TMEM232: variants seen among roughly 807,000 people sequenced by gnomAD.
TMEM232 encodes transmembrane protein 232.
In TMEM232, 80 loss-of-function variants were observed where a neutral mutation model predicts 78.8. The observed-to-expected ratio is 1.01, with a 90% CI of 0.85 to 1.22. The LOEUF is 1.22. Ranked by LOEUF, TMEM232 falls within the 50% of genes most tolerant of loss-of-function variation. The pLI is 0.00. For missense variants in TMEM232, 881 were observed against 742.2 expected, an observed-to-expected ratio of 1.19 and a Z score of -2.17; for synonymous variants, 297 against 254.3, an observed-to-expected ratio of 1.17 and a Z score of -1.60.
chr5:110,434,119 A>G (rs2112703343), intron 12 of TMEM232, among the ~76,000 whole-genome samples: 1 of 151,772 alleles, frequency 6.6e-6, no homozygotes, highest in East Asian at 1.9e-4. Flanking sequence ...AAATCAGAGC[A>G]GAACTAAATG....
intron 4 of TMEM232, among the ~76,000 whole-genome samples, chr5:110,639,303 G>C (rs993278244): frequency 2.1e-4 from 32 of 152,184 alleles, no homozygotes; most frequent in African/African-American, 4.1e-4. Context: ...GTTGTGAAGA[G>C]AGTAAGAAGT....
At chr5:110,593,514 T>C (rs576486853) in intron 10 of TMEM232, among the ~76,000 whole-genome samples, 10 of 152,318 alleles carry the variant, frequency 6.6e-5, no homozygotes, top group South Asian at 2.1e-4. Flanking sequence ...CTCTGTCTTC[T>C]GCAACCACAT....
intron 1 of TMEM232, among the ~76,000 whole-genome samples, chr5:110,687,680 CTCTT>C (rs1482104266): frequency 6.6e-6 from 1 of 152,056 alleles, no homozygotes; most frequent in Admixed American, 6.6e-5. Flanking sequence ...TTTTCTCTTT[CTCTT>C]TCTCTTTGTC....
chr5:110,592,891 T>G (rs1396910568), intron 10 of TMEM232, among the ~76,000 whole-genome samples: 1 of 152,166 alleles, frequency 6.6e-6, no homozygotes, highest in Non-Finnish European at 1.5e-5. Context: ...ATTCAGAATC[T>G]CCTAGTTTAT....
At chr5:110,489,018 A>G (rs1372864437) in intron 12 of TMEM232, among the ~76,000 whole-genome samples, 1 of 151,850 alleles carries the variant, frequency 6.6e-6, no homozygotes, top group African/African-American at 2.4e-5. Flanking sequence ...GAAATAGAAA[A>G]CCTGAATAGA....
At chr5:110,603,271 A>G (rs973769280) in intron 10 of TMEM232, among the ~76,000 whole-genome samples, 3 of 152,170 alleles carry the variant, frequency 2.0e-5, no homozygotes, top group Non-Finnish European at 4.4e-5. Context: ...CAAGTTCTAC[A>G]CATGTATCCC....
chr5:110,615,115 G>A (rs1270674784), intron 8 of TMEM232, among the ~76,000 whole-genome samples: 3 of 151,964 alleles, frequency 2.0e-5, no homozygotes, highest in Middle Eastern at 6.8e-3. Context: ...GTGTTTTTAG[G>A]GAAATTAGGT....
intron 5 of TMEM232, among the ~76,000 whole-genome samples, chr5:110,632,550 C>T (rs1168611007): frequency 2.0e-5 from 3 of 151,980 alleles, no homozygotes; most frequent in Non-Finnish European, 4.4e-5. Context: ...ATCAGAGATA[C>T]GTATCATACA....
chr5:110,579,634 G>A (rs1466264663), intron 10 of TMEM232, among the ~76,000 whole-genome samples: 3 of 151,336 alleles, frequency 2.0e-5, no homozygotes, highest in Non-Finnish European at 4.4e-5. Flanking sequence ...TGTATTTTAG[G>A]TAAGACCCAT....
chr5:110,465,497 ATTTTC>A (rs1404543858), intron 12 of TMEM232, among the ~76,000 whole-genome samples: 3 of 151,920 alleles, frequency 2.0e-5, no homozygotes, highest in African/African-American at 7.2e-5. Context: ...CCACAGCATT[ATTTTC>A]TTTTCTTCTT....
chr5:110,597,331 G>A (rs1425860915), intron 10 of TMEM232, among the ~76,000 whole-genome samples: 2 of 152,108 alleles, frequency 1.3e-5, no homozygotes, highest in Non-Finnish European at 2.9e-5. Flanking sequence ...TCTTCAAGGA[G>A]AACTACAAAC....
chr5:110,522,120 T>A (rs1769609460), intron 12 of TMEM232, among the ~76,000 whole-genome samples: 1 of 152,164 alleles, frequency 6.6e-6, no homozygotes, highest in Admixed American at 6.5e-5. Context: ...TAGTTTTCAA[T>A]CTAGAAGTCT....
chr5:110,425,025 A>C, intron 12 of TMEM232, 109 bp from the exon 13 acceptor site: 1 of 823,366 alleles, frequency 1.2e-6, no homozygotes, highest in Non-Finnish European at 1.9e-6. Context: ...TTGATTCTTC[A>C]TTGTTAACAT....
intron 12 of TMEM232, among the ~76,000 whole-genome samples, chr5:110,454,082 C>G (rs1005514760): frequency 3.9e-5 from 6 of 152,142 alleles, no homozygotes; most frequent in Non-Finnish European, 7.4e-5. Context: ...CAACAATCCT[C>G]TCTTGGCAAT....
At chr5:110,718,561 C>T (rs144557812) in intron 1 of TMEM232, among the ~76,000 whole-genome samples, 95 of 152,140 alleles carry the variant, frequency 6.2e-4, no homozygotes, top group African/African-American at 2.0e-3. Flanking sequence ...TCCTATGAAA[C>T]GTCTGAGAGT....
At chr5:110,626,929 C>T (rs1177040838) in intron 6 of TMEM232, among the ~76,000 whole-genome samples, 2 of 151,988 alleles carry the variant, frequency 1.3e-5, no homozygotes, top group Non-Finnish European at 2.9e-5. Context: ...AATGTATGTT[C>T]CCCAAGATTT....
chr5:110,616,344 T>C (rs1049539379), intron 8 of TMEM232, among the ~76,000 whole-genome samples: 18 of 152,140 alleles, frequency 1.2e-4, no homozygotes, highest in African/African-American at 4.1e-4. Flanking sequence ...TACATGGTAT[T>C]GGGAGAACTG....
chr5:110,498,335 C>T (rs537140097), intron 12 of TMEM232, among the ~76,000 whole-genome samples: 53 of 152,176 alleles, frequency 3.5e-4, no homozygotes, highest in African/African-American at 1.2e-3. Flanking sequence ...AACTAATCAT[C>T]TCACTGAACA....
intron 2 of TMEM232, among the ~76,000 whole-genome samples, chr5:110,403,217 C>T (rs1755667922): frequency 6.6e-6 from 1 of 152,014 alleles, no homozygotes; most frequent in South Asian, 2.1e-4. Flanking sequence ...TAACAAAACA[C>T]TTAGACTGTG....
Sources: allele counts gnomAD v4.1 joint callset (sites outside exome capture counted in the v4.1 genomes callset), GRCh38; gene constraint gnomAD v4.1.1; transcripts MANE v1.5; gene names NCBI Gene and HGNC (gene_info 2026-07-23, HGNC 2026-07-21).